Variants in NXN observed in about 807,000 individuals in gnomAD.
NXN encodes nucleoredoxin.
A neutral mutation model predicts 48.6 loss-of-function variants in NXN; 16 were observed. The observed-to-expected ratio is 0.33, with a 90% confidence interval of 0.22 to 0.50. NXN has a LOEUF of 0.50. Ranked by LOEUF, NXN falls within the 20% of genes least tolerant of loss-of-function variation. NXN has a pLI of 0.98. For synonymous variants in NXN, 281 were observed against 269.6 expected (o/e 1.04, Z -0.41); for missense variants, 492 against 605.5 (o/e 0.81, Z 1.97).
In NXN at chr17:822,193, C is replaced by T. The variant is rs503779; in HGVS notation, c.713+164G>A. On this transcript the variant is annotated intron_variant, in intron 4 of 7. Transcript: ENST00000336868. ...ACTCAGGAGGCTAAGGCAGGAGAAT[C>T]GCTTGAACCCAGGAGGTGGAGGTTG... Among the ~76,000 whole-genome samples, 66,263 of 151,560 alleles carry T rather than the reference C, an allele frequency of 0.44. 14,779 individuals are homozygous for T. The highest frequency in any genetic ancestry group is 0.52 in the East Asian group (2,668 of 5,132).
chr17:979,593 C>A lies in NXN; in HGVS notation c.86G>T (p.Arg29Leu). 6.9e-7 allele frequency: 1 copy of A among 1,444,882 alleles called. No homozygotes were observed. Among genetic ancestry groups the A allele is most frequent in the South Asian group, 1.3e-5 (1 of 74,614 alleles). 89.5% of individuals were successfully genotyped at this position (1,444,882 alleles called of 1,614,324 possible). The change falls in exon 1 of 8, where the codon CGC becomes CTC. Residue 29 changes from arginine to leucine, a missense_variant. This residue lies in a region of NXN where 186 missense variants were observed against 199.1 expected (regional missense o/e 0.93). Coordinates refer to ENST00000336868, the MANE Select transcript of NXN (RefSeq NM_022463.5). Reference protein sequence around the residue: ...EEVDVHSLGARGISLLGLYFG... With the variant: ...EEVDVHSLGALGISLLGLYFG... ...GTAGAGACCCAGCAGCGAGATGCCG[C>A]GGGCGCCCAGCGAGTGCACGTCCAC...
At chr17:814,890 C>T (rs540004875) in intron 5 of NXN, among the ~76,000 whole-genome samples, 4 of 152,288 alleles carry the variant, frequency 2.6e-5, no homozygotes, top group African/African-American at 4.8e-5. Context: ...CTCAGCCTCC[C>T]GAGTAGCTGG....
rs188195924 is a variant in NXN, at chr17:805,055, G to A, written c.1000+13C>T. 2,096 of 1,195,124 alleles carry A rather than the reference G, an allele frequency of 1.8e-3. 29 individuals carry two copies. The African/African-American group carries it at 0.028, about 16-fold the overall frequency. The allele number at this position is 1,195,124 out of a possible 1,614,324, so 74.0% of individuals were successfully genotyped here. A position where few individuals can be genotyped will look rare whatever the true frequency, so the allele number is the denominator to read the frequency against. ...CAGCCACCCCTCGCCCCCTGCCCCC[G>A]TGAGCTTCATACCTACAAAAAGGAC... On this transcript the variant is annotated intron_variant, in intron 6 of 7. Coordinates refer to ENST00000336868, the MANE Select transcript of NXN (RefSeq NM_022463.5).
chr17:940,373 C>T (rs1401116725), intron 1 of NXN, among the ~76,000 whole-genome samples: 1 of 152,034 alleles, frequency 6.6e-6, no homozygotes, highest in South Asian at 2.1e-4. Context: ...GGATTACAGG[C>T]GTGAGCCATT....
At chr17:839,436 A>C (rs1441358016) in intron 1 of NXN, among the ~76,000 whole-genome samples, 1 of 152,036 alleles carries the variant, frequency 6.6e-6, no homozygotes, top group Non-Finnish European at 1.5e-5. Context: ...ACTCTGTCTC[A>C]AAAAATAAAT....
At chr17:842,748 G>A (rs1914403035) in intron 1 of NXN, among the ~76,000 whole-genome samples, 1 of 152,178 alleles carries the variant, frequency 6.6e-6, no homozygotes, top group African/African-American at 2.4e-5. Context: ...GACCAGCCCA[G>A]CCAATATGGT....
chr17:813,034 AAT>A (rs1225980177), intron 5 of NXN, among the ~76,000 whole-genome samples: 2 of 151,448 alleles, frequency 1.3e-5, no homozygotes, highest in African/African-American at 4.9e-5. Flanking sequence ...CGCGTGTGTG[AAT>A]GTGTGAGCGT....
At chr17:815,369 GCGACGAGGCACTCACAGTTCAGC>G (rs1912408190) in intron 5 of NXN, among the ~76,000 whole-genome samples, 1 of 151,480 alleles carries the variant, frequency 6.6e-6, no homozygotes, top group African/African-American at 2.4e-5. Context: ...GGTTTTGAAG[GCGACGAGGCACTCACAGTTCAGC>G]TGACACCCAT....
chr17:974,277 G>A (rs2069429521), intron 1 of NXN, among the ~76,000 whole-genome samples: 1 of 151,890 alleles, frequency 6.6e-6, no homozygotes, highest in East Asian at 2.0e-4. Flanking sequence ...CGTGAACCCG[G>A]GAGGCGGAGC....
intron 1 of NXN, among the ~76,000 whole-genome samples, chr17:865,603 G>A (rs1201941831): frequency 2.6e-5 from 4 of 152,142 alleles, no homozygotes; most frequent in Non-Finnish European, 5.9e-5. Context: ...CCTTGGCAAT[G>A]TCTACAGAAG....
At chr17:804,086 C>T (rs1024976971) in intron 6 of NXN, 1 of 376,884 alleles carries the variant, frequency 2.7e-6, no homozygotes, top group Non-Finnish European at 4.8e-6. Flanking sequence ...GACAGTCTTC[C>T]CATTGAATTC....
intron 1 of NXN, among the ~76,000 whole-genome samples, chr17:935,209 G>T (rs2068895729): frequency 6.6e-6 from 1 of 151,972 alleles, no homozygotes; most frequent in South Asian, 2.1e-4. Flanking sequence ...GGCCAGGATG[G>T]TCTCGAACTC....
chr17:970,331 T>C (rs7223906), intron 1 of NXN, among the ~76,000 whole-genome samples: 34,710 of 151,644 alleles, frequency 0.23, 4,466 homozygotes, highest in African/African-American at 0.35. Flanking sequence ...CACCTGAAGT[T>C]CAATTTTGTC....
chr17:902,450 G>A (rs532166581), intron 1 of NXN, among the ~76,000 whole-genome samples: 2 of 152,302 alleles, frequency 1.3e-5, no homozygotes, highest in East Asian at 3.9e-4. Context: ...CTAGGGAGAA[G>A]GCAGTGGAGA....
chr17:840,807 C>T (rs527868827), intron 1 of NXN, among the ~76,000 whole-genome samples: 1 of 152,324 alleles, frequency 6.6e-6, no homozygotes, highest in East Asian at 1.9e-4. Flanking sequence ...GGCTTCCATC[C>T]TAACCTGTTG....
At chr17:962,303 C>A (rs1309141185) in intron 1 of NXN, among the ~76,000 whole-genome samples, 1 of 152,124 alleles carries the variant, frequency 6.6e-6, no homozygotes, top group Non-Finnish European at 1.5e-5. Flanking sequence ...AGGTTGAACA[C>A]CTCTTAGGAG....
rs76603525 is a variant in NXN at position 864,284 on chromosome 17, A to G, written c.361-38206T>C. Reference sequence around the variant, plus strand: ...CCAAGATAAAAAGTTCGGAGTAGGGAGAGTAAGTCTTAATCCATTTCCTTC... The same window carrying G: ...CCAAGATAAAAAGTTCGGAGTAGGGGGAGTAAGTCTTAATCCATTTCCTTC... On this transcript the variant is annotated intron_variant, in intron 1 of 7. Coordinates refer to ENST00000336868, the MANE Select transcript of NXN (RefSeq NM_022463.5). 6.1e-3 allele frequency among the ~76,000 whole-genome samples: 935 copies of G among 152,346 alleles called. 7 individuals carry two copies. Among genetic ancestry groups the G allele is most frequent in the Non-Finnish European group, 0.011 (721 of 68,030 alleles).
At chr17:960,679 T>C (rs1024884536) in intron 1 of NXN, among the ~76,000 whole-genome samples, 2 of 152,092 alleles carry the variant, frequency 1.3e-5, no homozygotes, top group African/African-American at 4.8e-5. Flanking sequence ...GGTCTTGCTA[T>C]ATTGCCCAGG....
chr17:928,763 G>A (rs937865545), intron 1 of NXN, among the ~76,000 whole-genome samples: 3 of 152,122 alleles, frequency 2.0e-5, no homozygotes, highest in African/African-American at 4.8e-5. Flanking sequence ...TTGAACCCGG[G>A]AGGCGGAGTT....
Sources: gnomAD v4.1 joint callset for allele counts (sites outside exome capture counted in the v4.1 genomes callset) on GRCh38, gnomAD v4.1.1 for gene constraint, gnomAD v4.1.1 regional missense constraint, MANE v1.5 for transcripts, NCBI Gene and HGNC (gene_info 2026-07-23, HGNC 2026-07-21) for gene names.